The following ITGA9 variants were observed in gnomAD, a reference collection of about 807,000 sequenced individuals.
ITGA9 encodes integrin alpha-9.
Under a neutral mutation model 127.8 loss-of-function variants are expected in ITGA9, and 56 were observed. That is an observed-to-expected ratio of 0.44 (90% CI 0.35 to 0.55). The LOEUF (loss-of-function observed/expected upper bound fraction) is 0.55, where lower values mean the gene tolerates loss of function less well. Ranked by LOEUF, ITGA9 falls within the 20% of genes least tolerant of loss-of-function variation. The probability of loss-of-function intolerance (pLI) is 0.00; values close to 1 mark genes in which losing one functional copy is unlikely to be tolerated. For missense variants in ITGA9, 1,196 were observed against 1,347.1 expected, an observed-to-expected ratio of 0.89 and a Z score of 1.76; for synonymous variants, 508 against 514.5, an observed-to-expected ratio of 0.99 and a Z score of 0.17.
chr3:37,526,177 A>C, intron 13 of ITGA9, 106 bp downstream of exon 13: 1 of 965,842 alleles, frequency 1.0e-6, no homozygotes, highest in Admixed American at 1.7e-5. Flanking sequence ...TGTAGGCTGG[A>C]GGTGCTTAGT....
chr3:37,645,685 A>G (rs2125643624), intron 16 of ITGA9, among the ~76,000 whole-genome samples: 1 of 152,310 alleles, frequency 6.6e-6, no homozygotes, highest in Non-Finnish European at 1.5e-5. Flanking sequence ...TTTGGTTGTC[A>G]TATCAACCCT....
intron 15 of ITGA9, among the ~76,000 whole-genome samples, chr3:37,618,456 G>A (rs1193355859): frequency 6.6e-6 from 1 of 152,226 alleles, no homozygotes; most frequent in East Asian, 1.9e-4. Context: ...ATCTCAAGCT[G>A]CCTGCTGGGA....
intron 23 of ITGA9, among the ~76,000 whole-genome samples, chr3:37,760,561 T>C (rs1325044988): frequency 6.6e-6 from 1 of 152,140 alleles, no homozygotes; most frequent in Admixed American, 6.5e-5. Flanking sequence ...TGAAATATCG[T>C]TCCAAAACAG....
chr3:37,712,362 T>A (rs1448229574), intron 18 of ITGA9, among the ~76,000 whole-genome samples: 1 of 3,902 alleles, frequency 2.6e-4, no homozygotes, highest in African/African-American at 3.2e-3. Flanking sequence ...TCCTTCCCAC[T>A]TAGGGAACCA....
chr3:37,562,392 A>G (rs1699502179), intron 15 of ITGA9, among the ~76,000 whole-genome samples: 1 of 152,114 alleles, frequency 6.6e-6, no homozygotes, highest in Admixed American at 6.5e-5. Context: ...CCACTATTGA[A>G]TTATCCGTAT....
intron 15 of ITGA9, among the ~76,000 whole-genome samples, chr3:37,558,568 C>A (rs1343093609): frequency 6.6e-6 from 1 of 152,166 alleles, no homozygotes; most frequent in African/African-American, 2.4e-5. Context: ...GTTGTCCCAG[C>A]ATAATCATTA....
At chr3:37,682,019 G>C (rs1188711743) in intron 17 of ITGA9, among the ~76,000 whole-genome samples, 1 of 152,120 alleles carries the variant, frequency 6.6e-6, no homozygotes, top group Non-Finnish European at 1.5e-5. Flanking sequence ...AGCAATTGTT[G>C]CCTGTCGTGT....
intron 18 of ITGA9, among the ~76,000 whole-genome samples, chr3:37,712,425 G>C (rs1207716682): frequency 6.6e-6 from 1 of 152,152 alleles, no homozygotes; most frequent in East Asian, 1.9e-4. Context: ...CTTTTTTCTA[G>C]GGCCTTGATT....
intron 13 of ITGA9, among the ~76,000 whole-genome samples, chr3:37,526,986 T>G (rs1365715348): frequency 2.0e-5 from 3 of 152,210 alleles, no homozygotes; most frequent in African/African-American, 7.2e-5. Flanking sequence ...TCTTGAATTA[T>G]TAAAGAGGCA....
intron 17 of ITGA9, among the ~76,000 whole-genome samples, chr3:37,682,260 G>A (rs562294888): frequency 8.5e-5 from 13 of 152,308 alleles, no homozygotes; most frequent in Admixed American, 2.0e-4. Context: ...TCTCCAGTTA[G>A]GCTTTCCTCC....
Position 37,759,819 on chromosome 3 carries a change from C to G in ITGA9, c.2541+9250C>G, listed in dbSNP as rs553882016. Among the ~76,000 whole-genome samples, 27 of 151,338 alleles carry G rather than the reference C, an allele frequency of 1.8e-4. No homozygotes were observed. The South Asian group carries it at 5.4e-3, about 30-fold the overall frequency. On this transcript the variant is annotated intron_variant, in intron 23 of 27. Transcript: ENST00000264741. ...ACTCGGGAGGCTGAGGCAGGAGAAT[C>G]GCTTGAACCCGGGAAGCAGAGATTG...
chr3:37,779,176 C>T (rs925416921), intron 24 of ITGA9, among the ~76,000 whole-genome samples: 16 of 152,160 alleles, frequency 1.1e-4, no homozygotes, highest in Admixed American at 8.5e-4. Flanking sequence ...ATGATCTCGG[C>T]TCACTGCAGC....
At chr3:37,634,002 A>G (rs971599405) in intron 16 of ITGA9, among the ~76,000 whole-genome samples, 94 of 152,310 alleles carry the variant, frequency 6.2e-4, no homozygotes, top group African/African-American at 2.0e-3. Context: ...AAAATATAAA[A>G]CAAATTAAAA....
At chr3:37,731,662 G>T (rs1696294234) in intron 18 of ITGA9, among the ~76,000 whole-genome samples, 1 of 152,148 alleles carries the variant, frequency 6.6e-6, no homozygotes, top group South Asian at 2.1e-4. Context: ...GATCAAACCT[G>T]TGTAACCTGC....
At chr3:37,463,250 A>G (rs531231916) in intron 1 of ITGA9, among the ~76,000 whole-genome samples, 10 of 152,308 alleles carry the variant, frequency 6.6e-5, no homozygotes, top group Non-Finnish European at 1.5e-4. Flanking sequence ...TTCTATCACC[A>G]CAATATTGCT....
At chr3:37,764,735 C>G (rs1696760809) in intron 23 of ITGA9, among the ~76,000 whole-genome samples, 1 of 152,196 alleles carries the variant, frequency 6.6e-6, no homozygotes, top group Admixed American at 6.5e-5. Context: ...TTCATATGTC[C>G]TCTCTGTCAA....
chr3:37,520,196 G>T (rs1286510438), intron 11 of ITGA9, among the ~76,000 whole-genome samples: 1 of 152,148 alleles, frequency 6.6e-6, no homozygotes, highest in Non-Finnish European at 1.5e-5. Context: ...CTAGTTAAGG[G>T]TGGAGGGTTG....
intron 18 of ITGA9, among the ~76,000 whole-genome samples, chr3:37,725,687 A>C (rs1373557527): frequency 1.3e-5 from 2 of 152,244 alleles, no homozygotes; most frequent in Non-Finnish European, 2.9e-5. Flanking sequence ...TAATGGATTT[A>C]AAACACTACC....
At chr3:37,739,242 C>T (rs757760412) in intron 20 of ITGA9, among the ~76,000 whole-genome samples, 21 of 152,208 alleles carry the variant, frequency 1.4e-4, no homozygotes, top group Non-Finnish European at 2.1e-4. Context: ...TGTACATTAA[C>T]AGTGCTGCAT....
Sources: gnomAD v4.1 joint callset for allele counts (sites outside exome capture counted in the v4.1 genomes callset) on GRCh38, gnomAD v4.1.1 for gene constraint, MANE v1.5 for transcripts, NCBI Gene and HGNC (gene_info 2026-07-23, HGNC 2026-07-21) for gene names.